Variants in CPVL observed in about 807,000 individuals in gnomAD.
The protein encoded by CPVL is carboxypeptidase vitellogenic like.
CPVL carries 51 observed loss-of-function variants against 63.7 expected under a neutral mutation model. The ratio of observed to expected loss-of-function variants is 0.80; its 90% CI spans 0.64 to 1.01. CPVL has a LOEUF of 1.01. CPVL is among the 50% of genes least tolerant of loss of function. The pLI, the probability that CPVL is intolerant of heterozygous loss-of-function variation, is 0.00. For synonymous variants in CPVL, 195 were observed against 206.0 expected, an observed-to-expected ratio of 0.95 and a Z score of 0.46; for missense variants, 530 against 573.1, an observed-to-expected ratio of 0.92 and a Z score of 0.77.
At chr7:29,114,939 T>C (rs1475848591) in intron 2 of CPVL, among the ~76,000 whole-genome samples, 1 of 152,134 alleles carries the variant, frequency 6.6e-6, no homozygotes, top group African/African-American at 2.4e-5. Context: ...GAGGAGGTCA[T>C]GGGGACAAAA....
intron 12 of CPVL, among the ~76,000 whole-genome samples, chr7:29,022,667 G>A (rs1787121901): frequency 6.6e-6 from 1 of 152,084 alleles, no homozygotes; most frequent in South Asian, 2.1e-4. Context: ...ATGTTGTCTG[G>A]GGGCCTGGGA....
intron 12 of CPVL, among the ~76,000 whole-genome samples, chr7:29,014,773 A>G (rs1266442709): frequency 6.6e-6 from 1 of 152,178 alleles, no homozygotes; most frequent in Non-Finnish European, 1.5e-5. Context: ...TCAAATGCAA[A>G]AGTGACATTT....
rs931664777 is a variant in CPVL, at chr7:29,092,616, A to G, written c.542+7T>C. The G allele has an allele frequency of 1.2e-5, 20 of 1,604,502 alleles. No individual in the cohort carries two copies. The highest frequency in any genetic ancestry group is 1.6e-4 in the Middle Eastern group (1 of 6,068). Reference sequence around the variant, plus strand: ...AGGAAAGCCAAGAGAAAGCAGGAGCATTTTACCTGTATAAATCCCGTGCTA... The same window carrying G: ...AGGAAAGCCAAGAGAAAGCAGGAGCGTTTTACCTGTATAAATCCCGTGCTA... On this transcript the variant is annotated splice_region_variant and intron_variant, in intron 6 of 12. Coordinates refer to ENST00000265394, the MANE Select transcript of CPVL (RefSeq NM_031311.5).
chr7:29,043,659 T>C (rs908685079), intron 11 of CPVL, among the ~76,000 whole-genome samples: 1 of 152,162 alleles, frequency 6.6e-6, no homozygotes, highest in Non-Finnish European at 1.5e-5. Flanking sequence ...CGTTGATCAT[T>C]ACCCAATGAC....
intron 9 of CPVL, among the ~76,000 whole-genome samples, chr7:29,066,445 G>A (rs1783145826): frequency 6.6e-6 from 1 of 152,190 alleles, no homozygotes; most frequent in South Asian, 2.1e-4. Flanking sequence ...GAAAACTAAA[G>A]AGGAGTAGGA....
intron 3 of CPVL, among the ~76,000 whole-genome samples, chr7:29,098,604 A>G (rs1424952774): frequency 6.6e-6 from 1 of 152,236 alleles, no homozygotes; most frequent in Non-Finnish European, 1.5e-5. Flanking sequence ...GCCTCTGATG[A>G]GCAGCCTGAA....
At chr7:29,093,869 C>T (rs537476583) in intron 5 of CPVL, among the ~76,000 whole-genome samples, 78 of 152,192 alleles carry the variant, frequency 5.1e-4, no homozygotes, top group African/African-American at 1.8e-3. Context: ...TTCTTTTGGA[C>T]CATCTGAAAA....
chr7:29,103,248 GTTT>G (rs71555783), intron 3 of CPVL, among the ~76,000 whole-genome samples: 3 of 96,154 alleles, frequency 3.1e-5, no homozygotes, highest in Admixed American at 1.4e-4. Context: ...TTGTTGTTTT[GTTT>G]TTTTTTTTTT....
At chr7:29,120,797 G>A (rs1789283537) in intron 2 of CPVL, 96 bp downstream of exon 2, 4 of 1,258,796 alleles carry the variant, frequency 3.2e-6, no homozygotes, top group Non-Finnish European at 4.4e-6. Flanking sequence ...CTCCAGCCTA[G>A]TGACAGGCGA....
chr7:29,192,457 T>TA (rs1198094472), intron 1 of CPVL: 2 of 152,252 alleles, frequency 1.3e-5, no homozygotes, highest in Non-Finnish European at 2.9e-5. Context: ...TGAAACCTGT[T>TA]ACCCTATTGC....
chr7:29,030,701 G>A lies in CPVL; in HGVS notation c.1196C>T (p.Ser399Phe). The A allele has an allele frequency of 6.2e-7, 1 of 1,613,590 alleles. No homozygotes were observed. The highest frequency in any genetic ancestry group is 8.5e-7 in the Non-Finnish European group (1 of 1,179,798). ...IIVAAALTER[S>F]LMGMDWKGSQ... ...TCCTTTCCAGTCCATGCCCATCAAG[G>A]AGCGCTCTGTCAGGGCAGCTGCCAC... The change falls in exon 12 of 13, where the codon TCC (serine) becomes TTC (phenylalanine). Residue 399 changes from serine to phenylalanine, a missense_variant. Coordinates refer to ENST00000265394, the MANE Select transcript of CPVL (RefSeq NM_031311.5).
At chr7:29,116,110 CAAAT>C (rs1012221102) in intron 2 of CPVL, among the ~76,000 whole-genome samples, 15 of 152,142 alleles carry the variant, frequency 9.9e-5, no homozygotes, top group African/African-American at 3.6e-4. Flanking sequence ...TGAATGTTAA[CAAAT>C]GAATGGATGA....
chr7:29,026,789 A>C (rs1014407437), intron 12 of CPVL, among the ~76,000 whole-genome samples: 15 of 152,312 alleles, frequency 9.8e-5, no homozygotes, highest in African/African-American at 3.6e-4. Flanking sequence ...AGATTGAACC[A>C]GGAAGATATA....
intron 12 of CPVL, chr7:29,011,788 AACT>A (rs1413272346): frequency 2.0e-5 from 3 of 152,242 alleles, no homozygotes; most frequent in African/African-American, 7.2e-5. Flanking sequence ...AGGGTCTGAA[AACT>A]ACTATAATTT....
intron 3 of CPVL, among the ~76,000 whole-genome samples, chr7:29,097,972 C>A (rs1311487434): frequency 6.6e-6 from 1 of 152,116 alleles, no homozygotes; most frequent in Non-Finnish European, 1.5e-5. Flanking sequence ...CCCAGAACCA[C>A]CTGAAAAAGC....
chr7:29,050,898 A>G (rs1185325579), intron 11 of CPVL, among the ~76,000 whole-genome samples: 2 of 152,222 alleles, frequency 1.3e-5, no homozygotes, highest in African/African-American at 4.8e-5. Flanking sequence ...TGGTATAAAA[A>G]TAGGCACATA....
At chr7:29,180,253 TG>T (rs1339367464) in intron 5 of CPVL, among the ~76,000 whole-genome samples, 5 of 152,174 alleles carry the variant, frequency 3.3e-5, no homozygotes, top group Non-Finnish European at 7.4e-5. Flanking sequence ...AGGCCGGGTG[TG>T]GTGGCTCACG....
At chr7:29,116,002 TGG>T (rs1788742960) in intron 2 of CPVL, among the ~76,000 whole-genome samples, 1 of 152,148 alleles carries the variant, frequency 6.6e-6, no homozygotes, top group African/African-American at 2.4e-5. Flanking sequence ...GTCAGGAGGT[TGG>T]AAAGTGGGGA....
intron 11 of CPVL, among the ~76,000 whole-genome samples, chr7:29,046,558 TGC>T (rs1485578253): frequency 4.5e-5 from 4 of 89,720 alleles, no homozygotes; most frequent in South Asian, 3.4e-4. Context: ...CACATGCACG[TGC>T]GCGCGTGCAC....
Sources: gnomAD v4.1 joint callset for allele counts (sites outside exome capture counted in the v4.1 genomes callset) on GRCh38, gnomAD v4.1.1 for gene constraint, MANE v1.5 for transcripts, NCBI Gene and HGNC (gene_info 2026-07-23, HGNC 2026-07-21) for gene names.